SLC24A5: variants seen among roughly 807,000 people sequenced by gnomAD.
The protein encoded by SLC24A5 is sodium/potassium/calcium exchanger 5.
A neutral mutation model predicts 51.6 loss-of-function variants in SLC24A5; 46 were observed. The observed-to-expected ratio is 0.89, with a 90% confidence interval of 0.70 to 1.14. SLC24A5 has a LOEUF of 1.14. SLC24A5 is among the 50% of genes most tolerant of loss of function. The probability of loss-of-function intolerance (pLI) is 0.00; values close to 1 mark genes in which losing one functional copy is unlikely to be tolerated. For synonymous variants in SLC24A5, 230 were observed against 214.9 expected (o/e 1.07, Z -0.62); for missense variants, 581 against 604.1 (o/e 0.96, Z 0.40).
At chr15:48,132,388 GCTTAT>G (rs1382546472) in intron 2 of SLC24A5, among the ~76,000 whole-genome samples, 3 of 151,746 alleles carry the variant, frequency 2.0e-5, no homozygotes, top group African/African-American at 7.3e-5. Flanking sequence ...TACCTATTTT[GCTTAT>G]CTTATCTGCT....
intron 2 of SLC24A5, among the ~76,000 whole-genome samples, chr15:48,126,480 G>A (rs1399549049): frequency 1.3e-5 from 2 of 152,216 alleles, no homozygotes; most frequent in South Asian, 2.1e-4. Flanking sequence ...GGCATTTCAC[G>A]TTTGGAGGAA....
chr15:48,127,459 T>C (rs1170041050), intron 2 of SLC24A5, among the ~76,000 whole-genome samples: 1 of 152,242 alleles, frequency 6.6e-6, no homozygotes, highest in African/African-American at 2.4e-5. Context: ...AGTAAGCTTA[T>C]TAAACTAGTT....
At position 48,139,033 on chromosome 15, in the gene SLC24A5, T is replaced by C; in HGVS notation, c.936T>C (p.Leu312=). ...DLKRIFWVLS[L]PIITLLFLTT... ...AAAGAATTTTTTGGGTATTATCCCT[T>C]CCTATTATTACATTACTTTTTCTAA... Residue 312 remains leucine, a synonymous_variant, in exon 7 of 9, where the codon CTT becomes CTC. Transcript: ENST00000341459. 6.2e-7 allele frequency: 1 copy of C among 1,613,166 alleles called. No individual in the cohort carries two copies. Among genetic ancestry groups the C allele is most frequent in the Non-Finnish European group, 8.5e-7 (1 of 1,179,352 alleles).
intron 2 of SLC24A5, 136 bp downstream of exon 2, chr15:48,122,172 C>T: frequency 2.2e-6 from 2 of 909,326 alleles, no homozygotes; most frequent in Admixed American, 1.7e-5. Context: ...TGTGGGGTCC[C>T]GTGTCTTAAG....
intron 5 of SLC24A5, 192 bp downstream of exon 5, chr15:48,135,176 A>C: frequency 2.1e-6 from 1 of 473,666 alleles, no homozygotes; most frequent in South Asian, 3.4e-5. Context: ...ATTTCTTCTT[A>C]ATCACTTCAC....
chr15:48,121,502 T>C (rs1259360512), intron 1 of SLC24A5, among the ~76,000 whole-genome samples: 2 of 152,160 alleles, frequency 1.3e-5, no homozygotes, highest in Non-Finnish European at 2.9e-5. Context: ...GGCTCTGCAA[T>C]GAGAAAACGA....
intron 2 of SLC24A5, among the ~76,000 whole-genome samples, chr15:48,132,346 C>A (rs1011618890): frequency 4.6e-5 from 7 of 152,200 alleles, no homozygotes; most frequent in African/African-American, 1.4e-4. Flanking sequence ...CCCCTCCCTG[C>A]CTTTACTCCT....
chr15:48,134,725 C>A, intron 4 of SLC24A5, 159 bp from the exon 5 acceptor site: 1 of 733,360 alleles, frequency 1.4e-6, no homozygotes, highest in Non-Finnish European at 2.2e-6. Context: ...TTATGAAAGT[C>A]TGTGTAAGTT....
intron 2 of SLC24A5, among the ~76,000 whole-genome samples, chr15:48,133,421 A>C (rs1314670163): frequency 1.3e-5 from 2 of 152,100 alleles, no homozygotes; most frequent in Non-Finnish European, 2.9e-5. Flanking sequence ...AATTGAAAGG[A>C]CAAAAAACTT....
rs1028855122 is a variant in SLC24A5, at chr15:48,136,853, G to A, written c.761G>A (p.Gly254Asp). The change falls in exon 6 of 9, where the codon GGT becomes GAT. Residue 254 changes from glycine (G) to aspartate (D), a missense_variant. Coordinates refer to ENST00000341459, the MANE Select transcript of SLC24A5 (RefSeq NM_205850.3). Reference protein sequence around the residue: ...QQPLMGWEDEGQPFIRRQSRT... With the variant: ...QQPLMGWEDEDQPFIRRQSRT... ...CCACTGATGGGCTGGGAAGATGAAG[G>A]TCAACCATTCATTCGTCGGCAATCA... 18 of 1,613,606 alleles carry A rather than the reference G, an allele frequency of 1.1e-5. No individual in the cohort carries two copies. The highest frequency in any genetic ancestry group is 1.5e-5 in the Non-Finnish European group (18 of 1,179,778).
intron 2 of SLC24A5, among the ~76,000 whole-genome samples, chr15:48,126,962 C>T (rs577544842): frequency 1.4e-4 from 22 of 152,192 alleles, no homozygotes; most frequent in African/African-American, 3.6e-4. Context: ...TGAGAATCCC[C>T]GGACAGCTGG....
chr15:48,138,206 C>G (rs969065711), intron 6 of SLC24A5: 2 of 151,946 alleles, frequency 1.3e-5, no homozygotes, highest in Non-Finnish European at 2.9e-5. Flanking sequence ...GTTGTACTAA[C>G]ATTAGTTTTA....
Position 48,134,988 on chromosome 15 carries a change from A to G in SLC24A5, c.590+4A>G, listed in dbSNP as rs530184161. Reference sequence around the variant, plus strand: ...TATATGACAACCAAGTTTACTGGTAAGCTTGAAAATAATTCTTATGTAAAA... The same window carrying G: ...TATATGACAACCAAGTTTACTGGTAGGCTTGAAAATAATTCTTATGTAAAA... On this transcript the variant is annotated splice_donor_region_variant and intron_variant, in intron 5 of 8. Transcript: ENST00000341459. 6.7e-5 allele frequency: 107 copies of G among 1,587,892 alleles called. No homozygotes were observed. The highest frequency in any genetic ancestry group is 9.0e-5 in the Non-Finnish European group (105 of 1,161,450).
At chr15:48,137,911 G>C (rs2038942276) in intron 6 of SLC24A5, 1 of 152,018 alleles carries the variant, frequency 6.6e-6, no homozygotes, top group Non-Finnish European at 1.5e-5. Flanking sequence ...AAGTTCATGG[G>C]TTACCTTTTT....
At chr15:48,140,205 T>C (rs963844278) in intron 7 of SLC24A5, 7 of 152,090 alleles carry the variant, frequency 4.6e-5, no homozygotes, top group African/African-American at 1.7e-4. Context: ...AAAAATCATG[T>C]AATAGATCAC....
chr15:48,121,439 GA>G (rs2038678656), intron 1 of SLC24A5, among the ~76,000 whole-genome samples: 1 of 152,124 alleles, frequency 6.6e-6, no homozygotes, highest in Non-Finnish European at 1.5e-5. Context: ...TTTCATCTTA[GA>G]AATTCTCTCT....
At position 48,142,662 on chromosome 15, in the gene SLC24A5, A is replaced by T; in HGVS notation, c.*311A>T. The T allele has an allele frequency of 2.2e-6, 1 of 458,862 alleles. No individual in the cohort carries two copies. Among genetic ancestry groups the T allele is most frequent in the Non-Finnish European group, 3.8e-6 (1 of 265,330 alleles). 28.4% of individuals were successfully genotyped at this position (458,862 alleles called of 1,614,324 possible). A position where few individuals can be genotyped will look rare whatever the true frequency, so the allele number is the denominator to read the frequency against. On this transcript the variant is annotated 3_prime_UTR_variant, in exon 9 of 9. Coordinates refer to ENST00000341459, the MANE Select transcript of SLC24A5 (RefSeq NM_205850.3). ...ACTGAAAACAACAAGAAAATGGCTT[A>T]TTTCATTAAAAACAGTATAACCATT... is the stretch of plus-strand genomic sequence containing the variant.
At chr15:48,132,844 G>A (rs925216227) in intron 2 of SLC24A5, among the ~76,000 whole-genome samples, 1 of 152,078 alleles carries the variant, frequency 6.6e-6, no homozygotes, top group Admixed American at 6.6e-5. Flanking sequence ...TTACCATGTC[G>A]TAGCTTAAGG....
intron 2 of SLC24A5, among the ~76,000 whole-genome samples, chr15:48,131,774 C>T (rs1339430381): frequency 1.3e-5 from 2 of 152,156 alleles, no homozygotes; most frequent in Non-Finnish European, 2.9e-5. Flanking sequence ...TCTCACCCTT[C>T]ACTAGTCACT....
Sources: allele counts gnomAD v4.1 joint callset (sites outside exome capture counted in the v4.1 genomes callset), GRCh38; gene constraint gnomAD v4.1.1; transcripts MANE v1.5; gene names NCBI Gene and HGNC (gene_info 2026-07-23, HGNC 2026-07-21).